The following PDE4D variants were observed in gnomAD, a reference collection of about 807,000 sequenced individuals.
The protein encoded by PDE4D is phosphodiesterase 4D, also known as 3',5'-cyclic-AMP phosphodiesterase 4D.
Under a neutral mutation model 87.4 loss-of-function variants are expected in PDE4D, and 24 were observed. The observed-to-expected ratio is 0.27, with a 90% CI of 0.20 to 0.39. PDE4D has a LOEUF of 0.39. Among genes scored for constraint, PDE4D ranks in the 10% least tolerant of loss-of-function variants. The probability of loss-of-function intolerance (pLI) is 1.00; values close to 1 mark genes in which losing one functional copy is unlikely to be tolerated. For synonymous variants in PDE4D, 384 were observed against 383.2 expected (o/e 1.00, Z -0.02); for missense variants, 714 against 1,041.0 (o/e 0.69, Z 4.32).
chr5:60,431,721 C>T (rs1324013766), intron 1 of PDE4D, among the ~76,000 whole-genome samples: 3 of 152,152 alleles, frequency 2.0e-5, no homozygotes, highest in African/African-American at 2.4e-5. Context: ...CCAAGGCAGG[C>T]GGCTGGGAGG....
chr5:59,355,101 A>G (rs1262374264), intron 1 of PDE4D, among the ~76,000 whole-genome samples: 1 of 152,210 alleles, frequency 6.6e-6, no homozygotes, highest in Non-Finnish European at 1.5e-5. Context: ...GATGTGAGGT[A>G]TTCAAATACA....
chr5:59,873,129 T>C (rs1748071071), intron 1 of PDE4D, among the ~76,000 whole-genome samples: 1 of 152,224 alleles, frequency 6.6e-6, no homozygotes, highest in South Asian at 2.1e-4. Context: ...AAGAAATATA[T>C]ACTACATAGA....
At chr5:59,240,795 CACACACACACACAT>C (rs1168129934) in intron 1 of PDE4D, among the ~76,000 whole-genome samples, 2 of 123,636 alleles carry the variant, frequency 1.6e-5, no homozygotes, top group African/African-American at 5.8e-5. Flanking sequence ...CACACACACA[CACACACACACACAT>C]CCCTTTTGGA....
At chr5:59,751,471 G>C (rs562568133) in intron 1 of PDE4D, among the ~76,000 whole-genome samples, 15 of 152,208 alleles carry the variant, frequency 9.9e-5, no homozygotes, top group African/African-American at 3.6e-4. Flanking sequence ...GGCTTAGCAA[G>C]CTTAGCATGG....
intron 2 of PDE4D, among the ~76,000 whole-genome samples, chr5:60,070,627 C>T (rs1337425507): frequency 2.0e-5 from 3 of 152,076 alleles, no homozygotes; most frequent in African/African-American, 4.8e-5. Flanking sequence ...TATGTTCATT[C>T]TTCAGGGATA....
chr5:59,889,129 A>G (rs978096439), intron 1 of PDE4D, among the ~76,000 whole-genome samples: 9 of 151,400 alleles, frequency 5.9e-5, no homozygotes, highest in African/African-American at 1.9e-4. Context: ...TTGGGAGGCC[A>G]AGGCAGGAGA....
At chr5:59,391,275 T>A (rs12152794) in intron 1 of PDE4D, among the ~76,000 whole-genome samples, 139 of 152,276 alleles carry the variant, frequency 9.1e-4, no homozygotes, top group Non-Finnish European at 1.8e-3. Context: ...GGGGACTTCA[T>A]TTGAATAAGA....
chr5:59,774,953 C>T (rs1484995183), intron 1 of PDE4D, among the ~76,000 whole-genome samples: 1 of 152,130 alleles, frequency 6.6e-6, no homozygotes. Flanking sequence ...CCTCGGCCTA[C>T]CAAAGTGCTG....
rs979380011 is a variant in PDE4D, at chr5:60,267,364, T to C, written c.-89-81677A>G. On this transcript the variant is annotated intron_variant, in intron 1 of 16. Coordinates refer to the PDE4D transcript ENST00000502484. ...ATTTTATTAATGAGATCATAGTATA[T>C]AAATAAAAATATTTGAAACACATAC... Among the ~76,000 whole-genome samples, 31 of 152,296 alleles carry C rather than the reference T, an allele frequency of 2.0e-4. No homozygotes were observed. In the East Asian group the frequency reaches 5.2e-3, roughly 26 times the overall value.
chr5:58,991,237 G>A (rs1004932427), intron 8 of PDE4D, among the ~76,000 whole-genome samples: 20 of 152,188 alleles, frequency 1.3e-4, no homozygotes, highest in African/African-American at 4.1e-4. Flanking sequence ...AGCCAAGATC[G>A]CGCCACTGCA....
intron 1 of PDE4D, among the ~76,000 whole-genome samples, chr5:60,443,339 C>A (rs1233827326): frequency 3.9e-5 from 6 of 152,006 alleles, no homozygotes; most frequent in Admixed American, 1.3e-4. Flanking sequence ...TAAAGTCAAG[C>A]AAAATTTTTG....
intron 1 of PDE4D, among the ~76,000 whole-genome samples, chr5:60,423,412 A>G (rs1743320903): frequency 1.3e-5 from 2 of 152,258 alleles, no homozygotes; most frequent in South Asian, 2.1e-4. Context: ...GCTCAACTAA[A>G]TGGAAACTGA....
intron 2 of PDE4D, among the ~76,000 whole-genome samples, chr5:60,018,385 A>G (rs1765728509): frequency 6.6e-6 from 1 of 152,212 alleles, no homozygotes; most frequent in Non-Finnish European, 1.5e-5. Context: ...CTGCAAAACC[A>G]TACCAAAATA....
chr5:59,884,359 A>T (rs1749871791), intron 1 of PDE4D, among the ~76,000 whole-genome samples: 1 of 152,000 alleles, frequency 6.6e-6, no homozygotes, highest in South Asian at 2.1e-4. Flanking sequence ...ATGTACATAG[A>T]CATAATCTCA....
intron 1 of PDE4D, among the ~76,000 whole-genome samples, chr5:59,320,611 T>C (rs1373091190): frequency 6.6e-6 from 1 of 152,152 alleles, no homozygotes. Flanking sequence ...ACTACTATAT[T>C]GTCAATCATT....
chr5:59,753,864 G>A (rs955373617), intron 1 of PDE4D, among the ~76,000 whole-genome samples: 2 of 152,166 alleles, frequency 1.3e-5, no homozygotes, highest in African/African-American at 2.4e-5. Context: ...GTGTATGTAC[G>A]TGTTCATTTG....
chr5:59,638,990 A>T (rs1741080466), intron 1 of PDE4D, among the ~76,000 whole-genome samples: 1 of 152,082 alleles, frequency 6.6e-6, no homozygotes, highest in South Asian at 2.1e-4. Context: ...GTTCTATTTT[A>T]GTTTTATTTT....
intron 6 of PDE4D, among the ~76,000 whole-genome samples, chr5:59,006,759 ATTTG>A (rs1751701846): frequency 6.6e-6 from 1 of 152,158 alleles, no homozygotes; most frequent in African/African-American, 2.4e-5. Flanking sequence ...ATTTCAGGAT[ATTTG>A]AAATTCTGCT....
Position 59,012,392 on chromosome 5 carries a change from T to C in PDE4D, c.922-18927A>G, listed in dbSNP as rs996338407. Reference sequence around the variant, plus strand: ...AAAGAGTCAAGACCCATCAGTGCGCTGTATTCAGGAGACCCATCTCACATG... The same window carrying C: ...AAAGAGTCAAGACCCATCAGTGCGCCGTATTCAGGAGACCCATCTCACATG... On this transcript the variant is annotated intron_variant, in intron 6 of 14. Transcript: ENST00000340635. 5.3e-5 allele frequency among the ~76,000 whole-genome samples: 8 copies of C among 152,156 alleles called. No individual in the cohort carries two copies. The East Asian group carries it at 1.5e-3, about 29-fold the overall frequency.
Sources: allele counts gnomAD v4.1 joint callset (sites outside exome capture counted in the v4.1 genomes callset), GRCh38; gene constraint gnomAD v4.1.1; transcripts MANE v1.5; gene names NCBI Gene and HGNC (gene_info 2026-07-23, HGNC 2026-07-21).